Variants in HCN1 observed in about 807,000 individuals in gnomAD.
HCN1 encodes hyperpolarization activated cyclic nucleotide gated potassium channel 1, also known as potassium/sodium hyperpolarization-activated cyclic nucleotide-gated channel 1.
HCN1 carries 13 observed loss-of-function variants against 78.9 expected under a neutral mutation model. The observed-to-expected ratio is 0.16, with a 90% confidence interval of 0.11 to 0.26. The LOEUF is 0.26. Ranked by LOEUF, HCN1 falls within the 10% of genes least tolerant of loss-of-function variation. The probability of loss-of-function intolerance (pLI) is 1.00; values close to 1 mark genes in which losing one functional copy is unlikely to be tolerated. For missense variants in HCN1, 810 were observed against 1,154.3 expected (o/e 0.70, Z 4.32); for synonymous variants, 552 against 455.5 (o/e 1.21, Z -2.70).
At chr5:45,613,358 T>C (rs1243019981) in intron 2 of HCN1, among the ~76,000 whole-genome samples, 4 of 152,070 alleles carry the variant, frequency 2.6e-5, no homozygotes, top group Non-Finnish European at 4.4e-5. Flanking sequence ...GGCTGCATAG[T>C]ATTCCATGGT....
At chr5:45,433,922 G>C (rs1561153375) in intron 3 of HCN1, among the ~76,000 whole-genome samples, 1 of 152,170 alleles carries the variant, frequency 6.6e-6, no homozygotes, top group Non-Finnish European at 1.5e-5. Flanking sequence ...GGTGTGGGAG[G>C]ATAGGATATA....
At chr5:45,463,407 C>T (rs1301792950) in intron 2 of HCN1, among the ~76,000 whole-genome samples, 1 of 151,764 alleles carries the variant, frequency 6.6e-6, no homozygotes, top group East Asian at 1.9e-4. Flanking sequence ...AGATTTTTTT[C>T]GTGGGAATAT....
intron 6 of HCN1, among the ~76,000 whole-genome samples, chr5:45,298,026 G>A (rs1473419172): frequency 1.3e-5 from 2 of 151,952 alleles, no homozygotes; most frequent in Non-Finnish European, 2.9e-5. Flanking sequence ...AATGGTGATA[G>A]GTGGATGCTT....
chr5:45,335,917 G>A (rs1224764137), intron 5 of HCN1, among the ~76,000 whole-genome samples: 1 of 152,032 alleles, frequency 6.6e-6, no homozygotes, highest in African/African-American at 2.4e-5. Flanking sequence ...TGTGGAAGGA[G>A]GGCCATCTGG....
At position 45,256,458 on chromosome 5, in the gene HCN1, T is replaced by C. The variant is rs1744616748; in HGVS notation, c.*5463A>G. On this transcript the variant is annotated 3_prime_UTR_variant, in exon 8 of 8. Transcript: ENST00000303230. ...AGAAATATAATAGCTCCAAAGAATGTTCACCTTTGCCACTCTTTGGAGCGT... is the reference window on the plus strand; with the variant it reads ...AGAAATATAATAGCTCCAAAGAATGCTCACCTTTGCCACTCTTTGGAGCGT... 6.6e-6 allele frequency: 1 copy of C among 152,072 alleles called. No individual in the cohort carries two copies. Among genetic ancestry groups the C allele is most frequent in the South Asian group, 2.1e-4 (1 of 4,830 alleles). The allele number at this position is 152,072 out of a possible 1,614,324, so 9.4% of individuals were successfully genotyped here.
intron 3 of HCN1, among the ~76,000 whole-genome samples, chr5:45,430,274 TAGTCGATG>T (rs2112076212): frequency 6.6e-6 from 1 of 152,298 alleles, no homozygotes; most frequent in Admixed American, 6.5e-5. Context: ...GACCATGTTA[TAGTCGATG>T]ATTCTTAACT....
intron 2 of HCN1, among the ~76,000 whole-genome samples, chr5:45,573,340 A>G (rs1309378652): frequency 6.6e-6 from 1 of 152,096 alleles, no homozygotes; most frequent in Non-Finnish European, 1.5e-5. Flanking sequence ...AGGCTGACTA[A>G]GGTATTGTCT....
At position 45,262,592 on chromosome 5, in the gene HCN1, A is replaced by G; in HGVS notation, c.2002T>C (p.Tyr668His). Reference protein sequence around the residue: ...SRMRTQSPPVYTATSLSHSNL... With the variant: ...SRMRTQSPPVHTATSLSHSNL... ...CTGTGAGACAGGCTGGTCGCTGTGT[A>G]CACCGGTGGAGATTGTGTCCTCATG... The change falls in exon 8 of 8, where the codon TAC (tyrosine) becomes CAC (histidine). Residue 668 changes from tyrosine (Y) to histidine (H), a missense_variant. Physicochemically the swap from Tyr to His is moderately conservative, Grantham distance 83. This residue lies in a region of HCN1 where 398 missense variants were observed against 381.3 expected (regional missense o/e 1.04). Coordinates refer to ENST00000303230, the MANE Select transcript of HCN1 (RefSeq NM_021072.4). The G allele has an allele frequency of 1.9e-6, 3 of 1,613,746 alleles. No homozygotes were observed. Among genetic ancestry groups the G allele is most frequent in the Non-Finnish European group, 2.5e-6 (3 of 1,179,950 alleles).
intron 5 of HCN1, among the ~76,000 whole-genome samples, chr5:45,330,235 G>A (rs1269740818): frequency 6.6e-6 from 1 of 151,202 alleles, no homozygotes; most frequent in Non-Finnish European, 1.5e-5. Flanking sequence ...ATGCCATGCT[G>A]CATTTGGCAT....
chr5:45,658,483 A>G (rs898755903), intron 1 of HCN1, among the ~76,000 whole-genome samples: 1 of 152,194 alleles, frequency 6.6e-6, no homozygotes, highest in African/African-American at 2.4e-5. Flanking sequence ...GCTCCAGTCT[A>G]CAGCTCCCAG....
At chr5:45,346,239 T>C (rs1214902930) in intron 5 of HCN1, among the ~76,000 whole-genome samples, 5 of 152,196 alleles carry the variant, frequency 3.3e-5, no homozygotes, top group East Asian at 1.9e-4. Flanking sequence ...TGACAGGTCA[T>C]TGACAACTTT....
chr5:45,650,086 A>G (rs901645563), intron 1 of HCN1, among the ~76,000 whole-genome samples: 13 of 152,112 alleles, frequency 8.5e-5, no homozygotes, highest in African/African-American at 3.1e-4. Flanking sequence ...CCAGAGAAAA[A>G]GTATTTGTAA....
At chr5:45,653,062 T>C (rs146323997) in intron 1 of HCN1, among the ~76,000 whole-genome samples, 2 of 152,038 alleles carry the variant, frequency 1.3e-5, no homozygotes, top group Non-Finnish European at 1.5e-5. Flanking sequence ...TCCTCTTAAG[T>C]ATGTCCCAAT....
intron 4 of HCN1, among the ~76,000 whole-genome samples, chr5:45,377,703 G>C (rs1277605741): frequency 2.6e-5 from 4 of 151,946 alleles, no homozygotes; most frequent in African/African-American, 9.7e-5. Context: ...TTCCGGTTTT[G>C]TGACTGACCT....
intron 2 of HCN1, among the ~76,000 whole-genome samples, chr5:45,577,001 C>T (rs1404155573): frequency 2.0e-5 from 3 of 151,990 alleles, no homozygotes; most frequent in Non-Finnish European, 4.4e-5. Flanking sequence ...TGTCTCTGTA[C>T]CAAATGAATG....
chr5:45,345,092 C>T (rs897409752), intron 5 of HCN1, among the ~76,000 whole-genome samples: 11 of 152,124 alleles, frequency 7.2e-5, no homozygotes, highest in African/African-American at 2.7e-4. Context: ...TTTGTGACCC[C>T]CACAGGCTCA....
rs139301162 is a variant in HCN1, at chr5:45,506,453, A to G, written c.850-44446T>C. Reference sequence around the variant, plus strand: ...TAATGTTACCTCATCAAAATATTAAATAACAACTGACCACATTATTCCATG... The same window carrying G: ...TAATGTTACCTCATCAAAATATTAAGTAACAACTGACCACATTATTCCATG... On this transcript the variant is annotated intron_variant, in intron 2 of 7. Coordinates refer to ENST00000303230, the MANE Select transcript of HCN1 (RefSeq NM_021072.4). Among the ~76,000 whole-genome samples, 620 of 152,298 alleles carry G rather than the reference A, an allele frequency of 4.1e-3. 2 individuals are homozygous for G. The highest frequency in any genetic ancestry group is 0.014 in the African/African-American group (587 of 41,580).
chr5:45,695,539 G>A, intron 1 of HCN1, 130 bp downstream of exon 1: 1 of 884,818 alleles, frequency 1.1e-6, no homozygotes, highest in Non-Finnish European at 1.8e-6. Context: ...CTTAGCCCGA[G>A]CCGACGCCGC....
chr5:45,674,482 C>T (rs1561241011), intron 1 of HCN1, among the ~76,000 whole-genome samples: 1 of 151,678 alleles, frequency 6.6e-6, no homozygotes, highest in Non-Finnish European at 1.5e-5. Context: ...ATGTTATGAA[C>T]TCTAACAAAG....
Sources: allele counts gnomAD v4.1 joint callset (sites outside exome capture counted in the v4.1 genomes callset), GRCh38; gene constraint gnomAD v4.1.1; regional missense constraint gnomAD v4.1.1; transcripts MANE v1.5; gene names NCBI Gene and HGNC (gene_info 2026-07-23, HGNC 2026-07-21).